Variants in LRRC7 observed in about 807,000 individuals in gnomAD.
The protein encoded by LRRC7 is leucine rich repeat containing 7.
In LRRC7, 23 loss-of-function variants were observed where a neutral mutation model predicts 175.7. The observed-to-expected ratio is 0.13, with a 90% CI of 0.09 to 0.19. The LOEUF (loss-of-function observed/expected upper bound fraction) is 0.19, where lower values mean the gene tolerates loss of function less well. Among genes scored for constraint, LRRC7 ranks in the 10% least tolerant of loss-of-function variants. The pLI, the probability that LRRC7 is intolerant of heterozygous loss-of-function variation, is 1.00. For synonymous variants in LRRC7, 685 were observed against 680.9 expected (o/e 1.01, Z -0.09); for missense variants, 1,354 against 1,904.7 (o/e 0.71, Z 5.38).
At position 70,085,975 on chromosome 1, in the gene LRRC7, G is replaced by T. The variant is rs537488417; in HGVS notation, c.4453-3752G>T. Among the ~76,000 whole-genome samples the T allele has an allele frequency of 1.8e-3, 267 of 152,154 alleles. 3 individuals carry two copies. Among genetic ancestry groups the T allele is most frequent in the Middle Eastern group, 6.8e-3 (2 of 294 alleles). On this transcript the variant is annotated intron_variant, in intron 24 of 26. Coordinates refer to ENST00000651989, the MANE Select transcript of LRRC7 (RefSeq NM_001370785.2). ...AAAGCTACAACATTTTTCCAGAGTA[G>T]TTTATTTCAAAGTCATTGATAATTG...
At chr1:69,692,197 A>T (rs1399533638) in intron 2 of LRRC7, among the ~76,000 whole-genome samples, 1 of 152,206 alleles carries the variant, frequency 6.6e-6, no homozygotes, top group Non-Finnish European at 1.5e-5. Context: ...AGTGTATCTT[A>T]GCTGAAGCAG....
chr1:70,058,270 AAAGTG>A (rs1661304700), intron 23 of LRRC7, among the ~76,000 whole-genome samples: 1 of 152,210 alleles, frequency 6.6e-6, no homozygotes, highest in Middle Eastern at 3.2e-3. Flanking sequence ...TCAGCTTCCC[AAAGTG>A]CTGGGATTAT....
chr1:69,816,752 T>C (rs1254127536), intron 4 of LRRC7, among the ~76,000 whole-genome samples: 1 of 152,148 alleles, frequency 6.6e-6, no homozygotes, highest in Non-Finnish European at 1.5e-5. Flanking sequence ...CTCCAGAACT[T>C]GTTCATCTTA....
intron 4 of LRRC7, among the ~76,000 whole-genome samples, chr1:69,800,442 T>G (rs1676336728): frequency 6.6e-6 from 1 of 152,012 alleles, no homozygotes; most frequent in African/African-American, 2.4e-5. Context: ...TAGTTTTCTT[T>G]GTACAGATAT....
At chr1:69,689,991 T>C (rs1397995870) in intron 2 of LRRC7, among the ~76,000 whole-genome samples, 2 of 152,194 alleles carry the variant, frequency 1.3e-5, no homozygotes, top group African/African-American at 4.8e-5. Flanking sequence ...ATCAAGTTAA[T>C]GCAAATTTGG....
intron 7 of LRRC7, among the ~76,000 whole-genome samples, chr1:69,905,707 G>A (rs1419713427): frequency 1.3e-5 from 2 of 152,112 alleles, no homozygotes; most frequent in Admixed American, 6.6e-5. Flanking sequence ...GAATAGTGCT[G>A]CAATAAACAT....
chr1:70,136,075 CTGTGTGTGTG>C lies in LRRC7; in HGVS notation c.*14202_*14211del, dbSNP rs10526637. Among the ~76,000 whole-genome samples the C allele has an allele frequency of 6.7e-6, 1 of 149,254 alleles. No individual in the cohort carries two copies. Among genetic ancestry groups the C allele is most frequent in the African/African-American group, 2.5e-5 (1 of 40,504 alleles). On this transcript the variant is annotated 3_prime_UTR_variant, in exon 27 of 27. Coordinates refer to ENST00000651989, the MANE Select transcript of LRRC7 (RefSeq NM_001370785.2). ...TCTCTGTGTGTGTCTGTGTGTGTGT[CTGTGTGTGTG>C]TGTGTGTGTGTGTCTATATATCTTA...
intron 25 of LRRC7, among the ~76,000 whole-genome samples, chr1:70,100,338 G>A (rs663251): frequency 6.6e-6 from 1 of 151,848 alleles, no homozygotes; most frequent in Non-Finnish European, 1.5e-5. Flanking sequence ...GCTCTGAAGA[G>A]CATCATCTTG....
intron 8 of LRRC7, among the ~76,000 whole-genome samples, chr1:69,967,188 C>T (rs1042261652): frequency 6.6e-6 from 1 of 152,108 alleles, no homozygotes; most frequent in African/African-American, 2.4e-5. Context: ...TTCCCTACTT[C>T]CCTGACAACC....
intron 1 of LRRC7, among the ~76,000 whole-genome samples, chr1:69,623,765 G>T (rs993642101): frequency 9.2e-5 from 14 of 152,232 alleles, no homozygotes; most frequent in African/African-American, 3.4e-4. Flanking sequence ...GGTCAGACTA[G>T]TCTTGAACTC....
chr1:69,816,464 G>A (rs948878498), intron 4 of LRRC7, among the ~76,000 whole-genome samples: 8 of 152,124 alleles, frequency 5.3e-5, no homozygotes, highest in Non-Finnish European at 2.9e-5. Flanking sequence ...TCTGCAGCCA[G>A]TATTTCTTCT....
intron 7 of LRRC7, among the ~76,000 whole-genome samples, chr1:69,886,216 G>T (rs1465445170): frequency 2.6e-5 from 4 of 151,934 alleles, no homozygotes; most frequent in African/African-American, 4.8e-5. Flanking sequence ...TGACAGTGGG[G>T]TATTAAAGTC....
chr1:70,132,457 C>CTTTTTTTTTTTTTTTTTT lies in LRRC7; in HGVS notation c.*10579_*10596dup, dbSNP rs149091576. ...TTTCTTTTTTCTTTTCTTTTCTTTTCTTTTTTTTTTTTTTTTTTTTTTTTT... is the reference window on the plus strand; with the variant it reads ...TTTCTTTTTTCTTTTCTTTTCTTTTCTTTTTTTTTTTTTTTTTTTTTTTTTTTTTTTTTTTTTTTTTTT... On this transcript the variant is annotated 3_prime_UTR_variant, in exon 27 of 27. Transcript: ENST00000651989. 1.3e-5 allele frequency among the ~76,000 whole-genome samples: 1 copy of CTTTTTTTTTTTTTTTTTT among 76,450 alleles called. No homozygotes were observed. 50.2% of individuals were successfully genotyped at this position (76,450 alleles called of 152,430 possible).
At chr1:69,793,289 C>T (rs1418125702) in intron 4 of LRRC7, among the ~76,000 whole-genome samples, 4 of 151,996 alleles carry the variant, frequency 2.6e-5, no homozygotes, top group African/African-American at 9.7e-5. Flanking sequence ...GAAGGTTTTC[C>T]TAAGAAGTGA....
intron 2 of LRRC7, among the ~76,000 whole-genome samples, chr1:69,698,495 C>T (rs765078600): frequency 1.3e-5 from 2 of 152,184 alleles, no homozygotes; most frequent in Admixed American, 6.5e-5. Flanking sequence ...AGAAGCTTCC[C>T]GTAATCTTAT....
At chr1:69,682,590 A>G (rs1447466896) in intron 2 of LRRC7, among the ~76,000 whole-genome samples, 2 of 152,144 alleles carry the variant, frequency 1.3e-5, no homozygotes, top group African/African-American at 4.8e-5. Flanking sequence ...TTGATGTTAT[A>G]TCATGAGACA....
chr1:70,041,722 C>G (rs929704279), intron 21 of LRRC7, among the ~76,000 whole-genome samples: 5 of 152,202 alleles, frequency 3.3e-5, no homozygotes, highest in African/African-American at 1.2e-4. Flanking sequence ...GTGAAAACAA[C>G]TAATGAAAAG....
intron 1 of LRRC7, among the ~76,000 whole-genome samples, chr1:69,631,572 C>T (rs1194079593): frequency 6.6e-6 from 1 of 152,006 alleles, no homozygotes; most frequent in Non-Finnish European, 1.5e-5. Context: ...GGTCCTCCCC[C>T]GACAGTCGCT....
chr1:69,649,253 T>C (rs541341204), intron 1 of LRRC7, among the ~76,000 whole-genome samples: 1 of 152,340 alleles, frequency 6.6e-6, no homozygotes, highest in African/African-American at 2.4e-5. Context: ...GTAACTTATT[T>C]ACTTCATAAA....
Sources: gnomAD v4.1 joint callset for allele counts (sites outside exome capture counted in the v4.1 genomes callset) on GRCh38, gnomAD v4.1.1 for gene constraint, MANE v1.5 for transcripts, NCBI Gene and HGNC (gene_info 2026-07-23, HGNC 2026-07-21) for gene names.